ZNF804B: variants seen among roughly 807,000 people sequenced by gnomAD.
The protein encoded by ZNF804B is zinc finger protein 804B.
ZNF804B carries 80 observed loss-of-function variants against 101.4 expected under a neutral mutation model. The ratio of observed to expected loss-of-function variants is 0.79; its 90% confidence interval spans 0.66 to 0.95. The LOEUF is 0.95. Ranked by LOEUF, ZNF804B falls within the 40% of genes least tolerant of loss-of-function variation. The pLI, the probability that ZNF804B is intolerant of heterozygous loss-of-function variation, is 0.00. For synonymous variants in ZNF804B, 622 were observed against 558.8 expected (o/e 1.11, Z -1.59); for missense variants, 1,673 against 1,561.9 (o/e 1.07, Z -1.20).
At position 89,188,541 on chromosome 7, in the gene ZNF804B, G is replaced by A. The variant is rs574500117; in HGVS notation, c.109-29614G>A. 7.9e-5 allele frequency among the ~76,000 whole-genome samples: 12 copies of A among 152,218 alleles called. No individual in the cohort carries two copies. In the South Asian group the frequency reaches 2.3e-3, roughly 29 times the overall value. On this transcript the variant is annotated intron_variant, in intron 1 of 3. Coordinates refer to ENST00000333190, the MANE Select transcript of ZNF804B (RefSeq NM_181646.5). ...TATTAAGCTTAGTCAGGAAGGCATG[G>A]CAAAAGCTGAGATATGCTGAAAGCG... is the stretch of plus-strand genomic sequence containing the variant.
intron 1 of ZNF804B, among the ~76,000 whole-genome samples, chr7:88,976,748 C>G (rs1435227769): frequency 6.6e-6 from 1 of 151,626 alleles, no homozygotes; most frequent in Admixed American, 6.6e-5. Flanking sequence ...TCTGATTGCT[C>G]TAGCTAGGGC....
chr7:89,224,785 C>A (rs1353429823), intron 2 of ZNF804B, among the ~76,000 whole-genome samples: 7 of 149,518 alleles, frequency 4.7e-5, no homozygotes, highest in African/African-American at 1.7e-4. Flanking sequence ...CTGGAATCAC[C>A]CAGCAGTAGT....
At chr7:88,878,024 A>G (rs541143961) in intron 1 of ZNF804B, among the ~76,000 whole-genome samples, 1 of 152,326 alleles carries the variant, frequency 6.6e-6, no homozygotes, top group East Asian at 1.9e-4. Context: ...CGGTTAAATC[A>G]TCATTGGCCA....
intron 1 of ZNF804B, among the ~76,000 whole-genome samples, chr7:89,127,290 T>G (rs1790487403): frequency 6.6e-6 from 1 of 151,938 alleles, no homozygotes; most frequent in Admixed American, 6.6e-5. Context: ...ATGAGTAATC[T>G]TTGTTTGTTT....
At chr7:89,258,112 A>G (rs1789662220) in intron 2 of ZNF804B, among the ~76,000 whole-genome samples, 2 of 151,988 alleles carry the variant, frequency 1.3e-5, no homozygotes, top group Admixed American at 6.6e-5. Context: ...TAAAAATAAT[A>G]TAAATAAAAT....
chr7:89,298,620 T>A (rs1408279010), intron 2 of ZNF804B, among the ~76,000 whole-genome samples: 2 of 151,932 alleles, frequency 1.3e-5, no homozygotes, highest in Non-Finnish European at 2.9e-5. Context: ...ATTAATTATC[T>A]ATATATGGCA....
At chr7:88,790,747 T>C (rs1790367971) in intron 1 of ZNF804B, among the ~76,000 whole-genome samples, 1 of 152,140 alleles carries the variant, frequency 6.6e-6, no homozygotes, top group African/African-American at 2.4e-5. Context: ...AGGGCTGCAA[T>C]GAACATACGC....
At chr7:88,921,671 A>G (rs1177614308) in intron 1 of ZNF804B, among the ~76,000 whole-genome samples, 1 of 152,026 alleles carries the variant, frequency 6.6e-6, no homozygotes, top group Non-Finnish European at 1.5e-5. Flanking sequence ...CATGTTTACT[A>G]GAGGGTGAGA....
At chr7:88,885,624 T>A (rs1000674119) in intron 1 of ZNF804B, among the ~76,000 whole-genome samples, 1 of 150,370 alleles carries the variant, frequency 6.7e-6, no homozygotes, top group African/African-American at 2.4e-5. Flanking sequence ...GAAAAATGTT[T>A]TGATAAAAAG....
At chr7:89,118,144 T>A (rs766959509) in intron 1 of ZNF804B, among the ~76,000 whole-genome samples, 3 of 152,164 alleles carry the variant, frequency 2.0e-5, no homozygotes, top group African/African-American at 4.8e-5. Context: ...AAGATCAAAC[T>A]TTTTGAATAC....
rs1411704590 is a variant in ZNF804B, at chr7:88,794,719, G to C, written c.108+34635G>C. ...TTCTCCTAGGTGATGTTTCAAAACT[G>C]ACTGAAACATTTGTTCATAGTAGTC... is the stretch of plus-strand genomic sequence containing the variant. On this transcript the variant is annotated intron_variant, in intron 1 of 3. Coordinates refer to ENST00000333190, the MANE Select transcript of ZNF804B (RefSeq NM_181646.5). 7.4e-6 allele frequency: 12 copies of C among 1,613,464 alleles called. 1 individual carries two copies. In the South Asian group the frequency reaches 9.9e-5, roughly 13 times the overall value.
chr7:89,141,332 C>G (rs749720935), intron 1 of ZNF804B, among the ~76,000 whole-genome samples: 3 of 152,068 alleles, frequency 2.0e-5, no homozygotes, highest in Non-Finnish European at 4.4e-5. Flanking sequence ...TTGGTCAACA[C>G]AGGATTGCCA....
intron 1 of ZNF804B, among the ~76,000 whole-genome samples, chr7:88,869,193 A>T (rs1162726109): frequency 5.3e-5 from 8 of 152,200 alleles, no homozygotes; most frequent in South Asian, 2.1e-4. Context: ...CAAATATTTT[A>T]AAAAACTTTT....
At chr7:89,049,352 G>A (rs536370994) in intron 1 of ZNF804B, among the ~76,000 whole-genome samples, 1 of 152,234 alleles carries the variant, frequency 6.6e-6, no homozygotes, top group African/African-American at 2.4e-5. Flanking sequence ...ATGATCTTAT[G>A]GTTCACTTCT....
intron 2 of ZNF804B, among the ~76,000 whole-genome samples, chr7:89,294,107 G>A (rs1424689191): frequency 6.6e-6 from 1 of 152,018 alleles, no homozygotes. Context: ...GGGTTAATTG[G>A]TTTTCCTGAC....
chr7:89,103,299 C>T (rs1325136937), intron 1 of ZNF804B, among the ~76,000 whole-genome samples: 2 of 149,768 alleles, frequency 1.3e-5, no homozygotes, highest in Non-Finnish European at 3.0e-5. Flanking sequence ...TATATTGAAT[C>T]TAGAGGTTGC....
In ZNF804B at chr7:89,334,176, A is replaced by C; in HGVS notation, c.1194A>C (p.Thr398=). The C allele has an allele frequency of 6.2e-7, 1 of 1,613,556 alleles. No individual in the cohort carries two copies. The highest frequency in any genetic ancestry group is 8.5e-7 in the Non-Finnish European group (1 of 1,179,824). The change falls in exon 4 of 4, where the codon ACA becomes ACC. Residue 398 remains threonine (T), a synonymous_variant. Coordinates refer to ENST00000333190, the MANE Select transcript of ZNF804B (RefSeq NM_181646.5). The stretch of plus-strand genomic sequence containing the variant: ...TGGAGCCAAGTGAACAAAAGAGTAC[A>C]GTGCATCTGAATCCAAATTCCAGAA... The part of the protein sequence containing the change: ...SSLEPSEQKS[T]VHLNPNSRIE...
In ZNF804B at chr7:88,854,417, T is replaced by TCC. The variant is rs1562812568; in HGVS notation, c.108+94333_108+94334insCC. Among the ~76,000 whole-genome samples the TCC allele has an allele frequency of 1.4e-3, 116 of 82,016 alleles. 1 individual carries two copies. Among genetic ancestry groups the TCC allele is most frequent in the African/African-American group, 4.9e-3 (110 of 22,246 alleles). 53.8% of individuals were successfully genotyped at this position (82,016 alleles called of 152,430 possible). A position where few individuals can be genotyped will look rare whatever the true frequency, so the allele number is the denominator to read the frequency against. ...TTTCTTTCTTTCTTTCTTTCTTCCTTTCTTTCTTTCTTTCTTTCTTTCTTT... is the reference window on the plus strand; with the variant it reads ...TTTCTTTCTTTCTTTCTTTCTTCCTTCCTCTTTCTTTCTTTCTTTCTTTCTTT... On this transcript the variant is annotated intron_variant, in intron 1 of 3. Transcript: ENST00000333190.
intron 1 of ZNF804B, among the ~76,000 whole-genome samples, chr7:88,822,167 C>A (rs1378108823): frequency 6.6e-6 from 1 of 152,072 alleles, no homozygotes; most frequent in Non-Finnish European, 1.5e-5. Context: ...TAAGGCAATG[C>A]AACTATATAG....
Sources: gnomAD v4.1 joint callset for allele counts (sites outside exome capture counted in the v4.1 genomes callset) on GRCh38, gnomAD v4.1.1 for gene constraint, MANE v1.5 for transcripts, NCBI Gene and HGNC (gene_info 2026-07-23, HGNC 2026-07-21) for gene names.